PPFIA1: variants seen among roughly 807,000 people sequenced by gnomAD.
The protein encoded by PPFIA1 is liprin-alpha-1.
In PPFIA1, 25 loss-of-function variants were observed where a neutral mutation model predicts 149.9. The observed-to-expected ratio is 0.17, with a 90% confidence interval of 0.12 to 0.23. The LOEUF (loss-of-function observed/expected upper bound fraction) is 0.23. Among genes scored for constraint, PPFIA1 ranks in the 10% least tolerant of loss-of-function variants. PPFIA1 has a pLI of 1.00. For missense variants in PPFIA1, 1,362 were observed against 1,506.5 expected (o/e 0.90, Z 1.59); for synonymous variants, 549 against 552.8 (o/e 0.99, Z 0.10).
rs1474459057 is a variant in PPFIA1, at chr11:70,342,935, C to T, written c.1708-734C>T. Reference sequence around the variant, plus strand: ...CTTGCAGCTATTTTGAAATGTACCACCTTTTTTTTTTTTTTTTTTTTTTTT... The same window carrying T: ...CTTGCAGCTATTTTGAAATGTACCATCTTTTTTTTTTTTTTTTTTTTTTTT... On this transcript the variant is annotated intron_variant, in intron 14 of 27. Coordinates refer to ENST00000253925, the MANE Select transcript of PPFIA1 (RefSeq NM_003626.5). 2.9e-5 allele frequency among the ~76,000 whole-genome samples: 3 copies of T among 103,150 alleles called. No individual in the cohort carries two copies. The East Asian group carries it at 6.8e-4, about 23-fold the overall frequency. 67.7% of individuals were successfully genotyped at this position (103,150 alleles called of 152,430 possible).
chr11:70,285,548 T>C (rs2051052901), intron 2 of PPFIA1, among the ~76,000 whole-genome samples: 1 of 151,674 alleles, frequency 6.6e-6, no homozygotes, highest in South Asian at 2.1e-4. Flanking sequence ...GGCGTGGTGG[T>C]GCGCAGCTGT....
chr11:70,355,350 G>A (rs1198914456), intron 17 of PPFIA1, among the ~76,000 whole-genome samples: 2 of 152,294 alleles, frequency 1.3e-5, no homozygotes, highest in African/African-American at 4.8e-5. Flanking sequence ...GCGGTTGTGG[G>A]AGCTGCTGGA....
chr11:70,310,956 G>A (rs2053228719), intron 2 of PPFIA1, among the ~76,000 whole-genome samples: 2 of 152,122 alleles, frequency 1.3e-5, no homozygotes, highest in South Asian at 4.1e-4. Context: ...TTCACCCTTG[G>A]GAGCAGTTTG....
intron 2 of PPFIA1, among the ~76,000 whole-genome samples, chr11:70,293,813 C>T (rs1327835563): frequency 2.6e-5 from 4 of 152,178 alleles, no homozygotes; most frequent in African/African-American, 9.7e-5. Context: ...CCCTCAGCCT[C>T]TGCTTTACCC....
At chr11:70,337,589 T>G (rs1247057132) in intron 12 of PPFIA1, among the ~76,000 whole-genome samples, 162 bp downstream of exon 12, 2 of 152,206 alleles carry the variant, frequency 1.3e-5, no homozygotes, top group African/African-American at 4.8e-5. Flanking sequence ...GTTGAATGCC[T>G]TTGTATTTCA....
At chr11:70,290,192 T>G (rs542430125) in intron 2 of PPFIA1, among the ~76,000 whole-genome samples, 3 of 152,218 alleles carry the variant, frequency 2.0e-5, no homozygotes, top group Non-Finnish European at 4.4e-5. Context: ...ATCATACCAC[T>G]GCACTCCAGC....
chr11:70,339,173 G>A lies in PPFIA1; in HGVS notation c.1574G>A (p.Arg525Gln), dbSNP rs149790526. ...CATTCTTATTTTTCATGTTTCAGCC[G>A]ACCCCACTTGGGCAGTGTCCCAGAT... ...RLRGASLHHG[R>Q]PHLGSVPDFR... Residue 525 changes from arginine (R) to glutamine (Q), a missense_variant and splice_region_variant, in exon 14 of 28, where the codon CGA becomes CAA. Transcript: ENST00000253925. 2.9e-5 allele frequency: 46 copies of A among 1,612,946 alleles called. No homozygotes were observed. Among genetic ancestry groups the A allele is most frequent in the Admixed American group, 2.8e-4 (17 of 59,742 alleles).
chr11:70,351,804 C>T (rs1219463234), intron 16 of PPFIA1, among the ~76,000 whole-genome samples: 4 of 152,290 alleles, frequency 2.6e-5, no homozygotes, highest in Admixed American at 2.6e-4. Context: ...ATTTCAAAAC[C>T]TGACAGTTGA....
rs1438654903 is a variant in PPFIA1, at chr11:70,349,203, A to G, written c.2163+783A>G. On this transcript the variant is annotated intron_variant, in intron 16 of 27. Coordinates refer to ENST00000253925, the MANE Select transcript of PPFIA1 (RefSeq NM_003626.5). ...CTGCATTTGAAGCCGTGAACAAGCC[A>G]GCTGCTTCGTGGCTCCCTAAGGAAG... Among the ~76,000 whole-genome samples, 3 of 151,340 alleles carry G rather than the reference A, an allele frequency of 2.0e-5. No homozygotes were observed. In the East Asian group the frequency reaches 5.8e-4, roughly 29 times the overall value.
chr11:70,284,814 C>T (rs910720307), intron 2 of PPFIA1, among the ~76,000 whole-genome samples: 5 of 152,012 alleles, frequency 3.3e-5, no homozygotes, highest in Admixed American at 6.6e-5. Flanking sequence ...GCCATGGTTA[C>T]TTGGCCTGGA....
At chr11:70,300,186 C>T (rs1306124662) in intron 2 of PPFIA1, among the ~76,000 whole-genome samples, 1 of 152,104 alleles carries the variant, frequency 6.6e-6, no homozygotes, top group Non-Finnish European at 1.5e-5. Flanking sequence ...CTCCCTTCTC[C>T]TGAGATGTCC....
intron 21 of PPFIA1, among the ~76,000 whole-genome samples, chr11:70,368,169 G>A (rs1216711366): frequency 1.3e-5 from 2 of 151,992 alleles, no homozygotes; most frequent in Admixed American, 6.6e-5. Flanking sequence ...GGCCTGTAAG[G>A]GTAAGGTTTA....
In PPFIA1 at chr11:70,354,307, C is replaced by T. The variant is rs781261094; in HGVS notation, c.2170C>T (p.Pro724Ser). 6.2e-7 allele frequency: 1 copy of T among 1,612,290 alleles called. No individual in the cohort carries two copies. The highest frequency in any genetic ancestry group is 1.7e-5 in the Admixed American group (1 of 59,628). The change falls in exon 17 of 28, where the codon CCT becomes TCT. Residue 724 changes from proline to serine, a missense_variant. Pro to Ser is a moderately conservative substitution (Grantham distance 74). Around this residue, in one of 7 missense-constraint regions of PPFIA1, gnomAD observed 733 missense variants for 744.1 expected, o/e 0.99. Transcript: ENST00000253925. ...DRLGVMTLLP[P>S]SREEVRDDKT... ...CACTTCTCTCACCCCTCAGTTGCCA[C>T]CTTCCAGAGAAGAGGTACGAGATGA...
At chr11:70,364,450 C>T (rs999057348) in intron 21 of PPFIA1, 2 of 152,214 alleles carry the variant, frequency 1.3e-5, no homozygotes, top group South Asian at 4.1e-4. Context: ...CTTTTAGTCT[C>T]CTCAGGAGAA....
At chr11:70,378,905 C>T (rs1434837149) in intron 26 of PPFIA1, among the ~76,000 whole-genome samples, 1 of 152,148 alleles carries the variant, frequency 6.6e-6, no homozygotes, top group African/African-American at 2.4e-5. Context: ...CCCTTGTACT[C>T]ATCTAATGAA....
At chr11:70,294,372 A>G (rs1053419496) in intron 2 of PPFIA1, among the ~76,000 whole-genome samples, 3 of 152,142 alleles carry the variant, frequency 2.0e-5, no homozygotes, top group African/African-American at 7.2e-5. Flanking sequence ...GGAGAGGAAC[A>G]CTGGGAAGGA....
intron 2 of PPFIA1, among the ~76,000 whole-genome samples, chr11:70,286,362 C>T (rs1274314806): frequency 6.6e-6 from 1 of 152,200 alleles, no homozygotes; most frequent in Non-Finnish European, 1.5e-5. Flanking sequence ...AGCGATTCTC[C>T]TCCCTCAGCG....
At chr11:70,271,365 C>T (rs2050073867) in intron 1 of PPFIA1, 1 of 152,430 alleles carries the variant, frequency 6.6e-6, no homozygotes, top group African/African-American at 2.4e-5. Context: ...ACCGCGCCCC[C>T]AGTACTGCCC....
chr11:70,316,905 C>T (rs1032159815), intron 2 of PPFIA1, among the ~76,000 whole-genome samples: 1 of 152,214 alleles, frequency 6.6e-6, no homozygotes, highest in African/African-American at 2.4e-5. Flanking sequence ...AAGTGATAAA[C>T]ATCAGCATTA....
Sources: allele counts gnomAD v4.1 joint callset (sites outside exome capture counted in the v4.1 genomes callset), GRCh38; gene constraint gnomAD v4.1.1; regional missense constraint gnomAD v4.1.1; transcripts MANE v1.5; gene names NCBI Gene and HGNC (gene_info 2026-07-23, HGNC 2026-07-21).